Variants in CNOT11 observed in about 807,000 individuals in gnomAD.
CNOT11 encodes the protein UPF0760 protein C2orf29.
A neutral mutation model predicts 44.6 loss-of-function variants in CNOT11; 18 were observed. That is an observed-to-expected ratio of 0.40 (90% CI 0.28 to 0.60). CNOT11 has a LOEUF of 0.60. CNOT11 is among the 20% of genes least tolerant of loss of function. CNOT11 has a pLI of 0.38. For synonymous variants in CNOT11, 291 were observed against 270.9 expected (o/e 1.07, Z -0.73); for missense variants, 513 against 677.0 (o/e 0.76, Z 2.69).
chr2:101,253,124 C>T lies in CNOT11; in HGVS notation c.160C>T (p.Pro54Ser). 1.3e-6 allele frequency: 2 copies of T among 1,540,396 alleles called. No individual in the cohort carries two copies. Among genetic ancestry groups the T allele is most frequent in the South Asian group, 2.4e-5 (2 of 81,650 alleles). Residue 54 changes from proline to serine, a missense_variant, in exon 1 of 7, where the codon CCG (proline) becomes TCG (serine). By Grantham distance (74) the Pro-to-Ser change is moderately conservative (BLOSUM62 -1). Around this residue, in one of 4 missense-constraint regions of CNOT11, gnomAD observed 259 missense variants for 265.7 expected, o/e 0.97. Coordinates refer to ENST00000289382, the MANE Select transcript of CNOT11 (RefSeq NM_017546.5). This position sits in a 1 kb window ranked among gnomAD's most constrained non-coding sequence, Gnocchi z 4.3. ...CGGCCCCGGGTCCGGGAGCGGAGGC[C>T]CGGGGGGCCCCGCGGGCAGGATGAG... The part of the protein sequence containing the change: ...ASGPGSGSGG[P>S]GGPAGRMSLT...
chr2:101,252,940 G>A lies in CNOT11; in HGVS notation c.-25G>A. Reference sequence around the variant, plus strand: ...CCGGCGCCAGGGCCCCTCGGGCCGGGAAGAGGGGAAGGGGAGCGAGGTTGA... The same window carrying A: ...CCGGCGCCAGGGCCCCTCGGGCCGGAAAGAGGGGAAGGGGAGCGAGGTTGA... On this transcript the variant is annotated 5_prime_UTR_variant, in exon 1 of 7. Transcript: ENST00000289382. 7.0e-7 allele frequency: 1 copy of A among 1,421,646 alleles called. No homozygotes were observed. Among genetic ancestry groups the A allele is most frequent in the Non-Finnish European group, 9.1e-7 (1 of 1,098,432 alleles). The allele number at this position is 1,421,646 out of a possible 1,614,324, so 88.1% of individuals were successfully genotyped here.
rs552851114 is a variant in CNOT11 at position 101,257,317 on chromosome 2, C to T, written c.515-474C>T. Among the ~76,000 whole-genome samples the T allele has an allele frequency of 3.3e-4, 49 of 149,948 alleles. No individual in the cohort carries two copies. The East Asian group carries it at 9.2e-3, about 28-fold the overall frequency. ...CTGAGGCAGGAGAATCTCTTGAACC[C>T]GGGAGGTGGAGGTTGCAGTGAGCCA... On this transcript the variant is annotated intron_variant, in intron 1 of 6. Transcript: ENST00000289382.
chr2:101,268,202 C>T (rs1682033875), intron 5 of CNOT11, among the ~76,000 whole-genome samples: 1 of 125,304 alleles, frequency 8.0e-6, no homozygotes, highest in Admixed American at 8.4e-5. Flanking sequence ...GCACATCTCC[C>T]CCCTCTTTGT....
Position 101,266,717 on chromosome 2 carries a change from A to T in CNOT11, c.1076A>T (p.His359Leu). 1 of 1,614,194 alleles carries T rather than the reference A, an allele frequency of 6.2e-7. No individual in the cohort carries two copies. Among genetic ancestry groups the T allele is most frequent in the Non-Finnish European group, 8.5e-7 (1 of 1,180,032 alleles). The change falls in exon 5 of 7, where the codon CAT (histidine) becomes CTT (leucine). Residue 359 changes from histidine to leucine, a missense_variant. Coordinates refer to ENST00000289382, the MANE Select transcript of CNOT11 (RefSeq NM_017546.5). ...ELEKDPKLVY[H>L]IGLTPAKLPD... ...GAAAAAGACCCCAAACTTGTCTACC[A>T]TATTGGCCTCACCCCAGCCAAACTT...
rs2104359453 is a variant in CNOT11 at position 101,253,674 on chromosome 2, T to TA, written c.514+198dup. On this transcript the variant is annotated intron_variant, in intron 1 of 6. Transcript: ENST00000289382. This position sits in a 1 kb window ranked among gnomAD's most constrained non-coding sequence, Gnocchi z 4.3. Reference sequence around the variant, plus strand: ...TCTAAAGAATGGAGAGGTGGTAGCTTAATTGCAAGTTCGTGACACCGAAAA... The same window carrying TA: ...TCTAAAGAATGGAGAGGTGGTAGCTTAAATTGCAAGTTCGTGACACCGAAAA... 6.6e-6 allele frequency among the ~76,000 whole-genome samples: 1 copy of TA among 152,352 alleles called. No individual in the cohort carries two copies. The highest frequency in any genetic ancestry group is 2.1e-4 in the South Asian group (1 of 4,826).
chr2:101,258,051 A>T, intron 2 of CNOT11, 96 bp downstream of exon 2: 1 of 1,231,902 alleles, frequency 8.1e-7, no homozygotes, highest in Non-Finnish European at 1.1e-6. Context: ...GTAACTGCTA[A>T]AAGGTTAGTA....
intron 1 of CNOT11, among the ~76,000 whole-genome samples, chr2:101,257,301 G>C (rs532582875): frequency 4.6e-5 from 7 of 151,726 alleles, no homozygotes; most frequent in African/African-American, 1.7e-4. Flanking sequence ...GCTGAGGCAG[G>C]AGAATCTCTT....
At chr2:101,254,529 G>A (rs1263960109) in intron 1 of CNOT11, among the ~76,000 whole-genome samples, 1 of 152,150 alleles carries the variant, frequency 6.6e-6, no homozygotes, top group Non-Finnish European at 1.5e-5. Context: ...TACTTAACCT[G>A]CTTCTAAGAA....
At chr2:101,267,763 C>T (rs1682020703) in intron 5 of CNOT11, among the ~76,000 whole-genome samples, 1 of 152,106 alleles carries the variant, frequency 6.6e-6, no homozygotes, top group African/African-American at 2.4e-5. Flanking sequence ...TGTTTATGTG[C>T]AGGGTGGCCA....
chr2:101,255,682 C>G (rs1484553081), intron 1 of CNOT11, among the ~76,000 whole-genome samples: 1 of 152,178 alleles, frequency 6.6e-6, no homozygotes, highest in East Asian at 1.9e-4. Flanking sequence ...TCAGATGACT[C>G]TGAACAGAGG....
chr2:101,265,085 TTA>T, intron 4 of CNOT11, 38 bp downstream of exon 4: 3 of 1,380,032 alleles, frequency 2.2e-6, no homozygotes, highest in Non-Finnish European at 2.9e-6. Flanking sequence ...ATCTTTTTTT[TTA>T]AATTTATTTT....
chr2:101,267,104 T>G (rs749264516), intron 5 of CNOT11, among the ~76,000 whole-genome samples: 1 of 152,158 alleles, frequency 6.6e-6, no homozygotes, highest in Non-Finnish European at 1.5e-5. Flanking sequence ...TAAATGAAAT[T>G]TAATTGCTGA....
intron 4 of CNOT11, among the ~76,000 whole-genome samples, chr2:101,266,391 G>A (rs1365345047): frequency 6.6e-6 from 1 of 152,106 alleles, no homozygotes; most frequent in East Asian, 1.9e-4. Flanking sequence ...TATTTTATCT[G>A]ACCAGACAGT....
intron 4 of CNOT11, 56 bp from the exon 5 acceptor site, chr2:101,266,621 G>A (rs1681990623): frequency 7.4e-7 from 1 of 1,354,106 alleles, no homozygotes; most frequent in East Asian, 2.3e-5. Context: ...AAAAAAAATT[G>A]ACTCAACACC....
chr2:101,257,271 T>A (rs1434236387), intron 1 of CNOT11, among the ~76,000 whole-genome samples: 1 of 151,654 alleles, frequency 6.6e-6, no homozygotes, highest in African/African-American at 2.4e-5. Context: ...CAGGTGCCTG[T>A]AATCCCAGCT....
chr2:101,254,357 G>A (rs1273773118), intron 1 of CNOT11, among the ~76,000 whole-genome samples: 1 of 152,134 alleles, frequency 6.6e-6, no homozygotes, highest in African/African-American at 2.4e-5. Flanking sequence ...AGTAGATTTT[G>A]AAGTAACACC....
At chr2:101,268,015 CTA>C (rs990554634) in intron 5 of CNOT11, among the ~76,000 whole-genome samples, 21 of 152,158 alleles carry the variant, frequency 1.4e-4, no homozygotes, top group Non-Finnish European at 2.5e-4. Context: ...TTTTCATCAA[CTA>C]TTGGGGGAAA....
intron 4 of CNOT11, among the ~76,000 whole-genome samples, chr2:101,265,693 G>A (rs146210124): frequency 1.1e-3 from 170 of 152,246 alleles, no homozygotes; most frequent in Non-Finnish European, 2.0e-3. Context: ...TGATGGTAAC[G>A]CTTCTGATGG....
At chr2:101,267,883 ATCCATTC>A (rs1433034034) in intron 5 of CNOT11, among the ~76,000 whole-genome samples, 2 of 152,108 alleles carry the variant, frequency 1.3e-5, no homozygotes, top group Non-Finnish European at 2.9e-5. Flanking sequence ...GTATGGGGAA[ATCCATTC>A]TGAGTGCCAA....
Sources: allele counts gnomAD v4.1 joint callset (sites outside exome capture counted in the v4.1 genomes callset), GRCh38; gene constraint gnomAD v4.1.1; regional missense constraint gnomAD v4.1.1; non-coding constraint Gnocchi (gnomAD v3.1); transcripts MANE v1.5; gene names NCBI Gene and HGNC (gene_info 2026-07-23, HGNC 2026-07-21).